The following CCDC33 variants were observed in gnomAD, a reference collection of about 807,000 sequenced individuals.
The protein encoded by CCDC33 is coiled-coil domain containing 33.
A neutral mutation model predicts 91.9 loss-of-function variants in CCDC33; 94 were observed. That is an observed-to-expected ratio of 1.02 (90% CI 0.87 to 1.21). The LOEUF (loss-of-function observed/expected upper bound fraction) is 1.21, where lower values mean the gene tolerates loss of function less well. Ranked by LOEUF, CCDC33 falls within the 50% of genes most tolerant of loss-of-function variation. The pLI is 0.00. For missense variants in CCDC33, 940 were observed against 935.5 expected (o/e 1.00, Z -0.06); for synonymous variants, 396 against 374.5 (o/e 1.06, Z -0.66).
intron 18 of CCDC33, chr15:74,335,364 T>C: frequency 8.4e-6 from 5 of 597,088 alleles, no homozygotes; most frequent in South Asian, 8.1e-5. Context: ...GGATGAGGGG[T>C]CCATGCAGGC....
chr15:74,213,178 T>G (rs11631509), upstream of CCDC33: 20,918 of 151,008 alleles, frequency 0.14, 2,016 homozygotes, highest in Non-Finnish European at 0.21. Flanking sequence ...AACGCTCCAC[T>G]GCACACCAAT....
intron 10 of CCDC33, among the ~76,000 whole-genome samples, chr15:74,291,330 A>G (rs2059580781): frequency 6.6e-6 from 1 of 152,242 alleles, no homozygotes; most frequent in Non-Finnish European, 1.5e-5. Flanking sequence ...ACTGCTGCAC[A>G]GGGCTCATTA....
chr15:74,312,595 C>T (rs115166555), intron 11 of CCDC33, among the ~76,000 whole-genome samples: 344 of 152,264 alleles, frequency 2.3e-3, no homozygotes, highest in African/African-American at 7.4e-3. Flanking sequence ...ACACAGGCTT[C>T]GCTCAATTAA....
At chr15:74,329,567 C>G (rs2142869394) in intron 11 of CCDC33, among the ~76,000 whole-genome samples, 1 of 152,286 alleles carries the variant, frequency 6.6e-6, no homozygotes, top group Admixed American at 6.5e-5. Context: ...TGCTGTTGTT[C>G]CTGACCTCAT....
chr15:74,256,793 C>T (rs921335201), intron 2 of CCDC33, among the ~76,000 whole-genome samples: 4 of 152,226 alleles, frequency 2.6e-5, no homozygotes, highest in Non-Finnish European at 5.9e-5. Context: ...ATGCCCAGAA[C>T]ACCGGCACTT....
upstream of CCDC33, among the ~76,000 whole-genome samples, chr15:74,232,042 A>G (rs569977897): frequency 1.6e-3 from 245 of 152,280 alleles, 1 homozygote; most frequent in African/African-American, 5.7e-3. Context: ...ACTCACAGCA[A>G]TAACTCCGGG....
chr15:74,256,701 G>A (rs773386087), intron 2 of CCDC33, among the ~76,000 whole-genome samples: 7 of 152,112 alleles, frequency 4.6e-5, no homozygotes, highest in African/African-American at 1.2e-4. Context: ...ACCCTGCATC[G>A]CCTCCAGCCT....
chr15:74,250,087 C>T (rs373005689), intron 2 of CCDC33, among the ~76,000 whole-genome samples: 5 of 152,160 alleles, frequency 3.3e-5, no homozygotes, highest in African/African-American at 1.2e-4. Flanking sequence ...CTCATCCAAT[C>T]CATCACCAAG....
intron 2 of CCDC33, among the ~76,000 whole-genome samples, chr15:74,255,087 C>T (rs544298338): frequency 6.9e-6 from 1 of 144,342 alleles, no homozygotes; most frequent in East Asian, 2.0e-4. Flanking sequence ...CTAGGCATCC[C>T]CCTTTCCCCC....
chr15:74,336,375 A>C (rs2060567720), downstream of CCDC33: 2 of 1,331,916 alleles, frequency 1.5e-6, no homozygotes, highest in Non-Finnish European at 2.0e-6. Flanking sequence ...GAGAAGAAGC[A>C]AGGCCACCAG....
intron 2 of CCDC33, among the ~76,000 whole-genome samples, chr15:74,225,117 C>T (rs900806): frequency 1.5e-3 from 215 of 139,936 alleles, no homozygotes; most frequent in African/African-American, 5.6e-3. Flanking sequence ...CTCCTGGAGG[C>T]GTGTGTGTGT....
At chr15:74,270,101 A>G (rs2076273146) in intron 5 of CCDC33, among the ~76,000 whole-genome samples, 1 of 152,240 alleles carries the variant, frequency 6.6e-6, no homozygotes, top group African/African-American at 2.4e-5. Flanking sequence ...GAAGGGATTC[A>G]GTCTCCAGAG....
At chr15:74,268,491 G>A (rs759215611) in intron 5 of CCDC33, 33 bp downstream of exon 5, 1 of 1,479,054 alleles carries the variant, frequency 6.8e-7, no homozygotes, top group Non-Finnish European at 9.4e-7. Flanking sequence ...GGGTGGTGGT[G>A]GGGGTGGGAA....
chr15:74,240,741 T>C (rs1484256682), intron 1 of CCDC33, among the ~76,000 whole-genome samples: 1 of 152,128 alleles, frequency 6.6e-6, no homozygotes, highest in Non-Finnish European at 1.5e-5. Flanking sequence ...TACAGCCTCA[T>C]GCCACCGCAC....
intron 2 of CCDC33, among the ~76,000 whole-genome samples, chr15:74,221,911 C>G (rs2074608870): frequency 6.6e-6 from 1 of 152,150 alleles, no homozygotes; most frequent in African/African-American, 2.4e-5. Flanking sequence ...TAGAGCTATG[C>G]CTCTCCAGCT....
intron 11 of CCDC33, among the ~76,000 whole-genome samples, chr15:74,306,536 G>C (rs183784278): frequency 2.8e-4 from 42 of 152,328 alleles, no homozygotes; most frequent in African/African-American, 6.3e-4. Flanking sequence ...TTACTAGTTA[G>C]TGTGTGTGTG....
rs760108974 is a variant in CCDC33 at position 74,335,026 on chromosome 15, C to T, written c.2077C>T (p.Arg693Trp). 1.1e-5 allele frequency: 17 copies of T among 1,614,004 alleles called. No individual in the cohort carries two copies. The highest frequency in any genetic ancestry group is 7.7e-5 in the South Asian group (7 of 91,094). ...ACGAGAGAAGCAGGATCTGGCCACA[C>T]GGCTGCAGGAGCAAGAAAAAGGTTT... is the stretch of plus-strand genomic sequence containing the variant. ...WGREKQDLAT[R>W]LQEQEKGFRH... is the part of the protein sequence containing the mutation. Residue 693 changes from arginine to tryptophan, a missense_variant, in exon 18 of 19, where the codon CGG becomes TGG. Coordinates refer to ENST00000398814, the MANE Select transcript of CCDC33 (RefSeq NM_025055.5).
chr15:74,290,218 C>T (rs980863727), intron 10 of CCDC33, among the ~76,000 whole-genome samples: 2 of 149,278 alleles, frequency 1.3e-5, no homozygotes, highest in African/African-American at 4.9e-5. Flanking sequence ...TGACCTGTTG[C>T]CCAGGCTGGA....
chr15:74,216,970 G>A (rs1304227894), upstream of CCDC33, among the ~76,000 whole-genome samples: 1 of 152,132 alleles, frequency 6.6e-6, no homozygotes, highest in Non-Finnish European at 1.5e-5. Context: ...AGCTTCAGAG[G>A]GCTGGAGTTA....
Sources: allele counts gnomAD v4.1 joint callset (sites outside exome capture counted in the v4.1 genomes callset), GRCh38; gene constraint gnomAD v4.1.1; transcripts MANE v1.5; gene names NCBI Gene and HGNC (gene_info 2026-07-23, HGNC 2026-07-21).